Variants in ZNF385A observed in about 807,000 individuals in gnomAD.
ZNF385A encodes hematopoietic zinc finger protein.
A neutral mutation model predicts 32.1 loss-of-function variants in ZNF385A; 14 were observed. The ratio of observed to expected loss-of-function variants is 0.44; its 90% CI spans 0.29 to 0.68. The LOEUF is 0.68. Among genes scored for constraint, ZNF385A ranks in the 30% least tolerant of loss-of-function variants. The pLI is 0.14. For synonymous variants in ZNF385A, 197 were observed against 202.7 expected (o/e 0.97, Z 0.24); for missense variants, 406 against 478.4 (o/e 0.85, Z 1.41).
chr12:54,373,868 G>C, intron 3 of ZNF385A, 105 bp downstream of exon 3: 3 of 1,270,038 alleles, frequency 2.4e-6, no homozygotes, highest in Non-Finnish European at 3.1e-6. Context: ...TGGGGGTATA[G>C]GGACTGAGGA....
upstream of ZNF385A, among the ~76,000 whole-genome samples, chr12:54,388,339 T>A (rs533106936): frequency 6.6e-6 from 1 of 152,344 alleles, no homozygotes; most frequent in African/African-American, 2.4e-5. Flanking sequence ...CAAGTTGTGC[T>A]GTCAGCACTA....
intron 1 of ZNF385A, among the ~76,000 whole-genome samples, chr12:54,381,607 G>A (rs554094860): frequency 1.3e-5 from 2 of 152,302 alleles, no homozygotes; most frequent in South Asian, 4.2e-4. Flanking sequence ...TGTTTAGATG[G>A]GGGGAGGTTT....
chr12:54,371,387 G>A (rs1565612048), intron 4 of ZNF385A, 86 bp downstream of exon 4: 12 of 1,527,936 alleles, frequency 7.9e-6, no homozygotes, highest in Middle Eastern at 1.8e-4. Context: ...ATGGTCTAGG[G>A]ATGTTGGAAG....
chr12:54,384,366 G>C, intron 1 of ZNF385A, 62 bp downstream of exon 1: 1 of 1,500,862 alleles, frequency 6.7e-7, no homozygotes. Context: ...GGGCAGAGGT[G>C]GGTCTGAGAG....
chr12:54,372,406 C>T (rs998714963), intron 3 of ZNF385A, among the ~76,000 whole-genome samples: 1 of 152,106 alleles, frequency 6.6e-6, no homozygotes, highest in Non-Finnish European at 1.5e-5. Context: ...GAGGGGAACT[C>T]CTCACCCCTC....
chr12:54,384,148 G>T (rs1955343375), intron 1 of ZNF385A, among the ~76,000 whole-genome samples: 1 of 152,188 alleles, frequency 6.6e-6, no homozygotes, highest in African/African-American at 2.4e-5. Flanking sequence ...TACTTCTCTA[G>T]ATGGTAGGGC....
At chr12:54,376,836 T>C (rs547679296) in intron 1 of ZNF385A, among the ~76,000 whole-genome samples, 1 of 152,290 alleles carries the variant, frequency 6.6e-6, no homozygotes, top group South Asian at 2.1e-4. Flanking sequence ...CTCAGAGGTG[T>C]GAAAACTGCC....
chr12:54,383,642 C>G (rs926462909), intron 1 of ZNF385A, among the ~76,000 whole-genome samples: 1 of 152,244 alleles, frequency 6.6e-6, no homozygotes, highest in Non-Finnish European at 1.5e-5. Flanking sequence ...TGCCTGTAAT[C>G]CCAGCACTTT....
chr12:54,382,365 C>T (rs571440979), intron 1 of ZNF385A, among the ~76,000 whole-genome samples: 11 of 152,178 alleles, frequency 7.2e-5, no homozygotes, highest in South Asian at 6.2e-4. Context: ...TGAGCCACCA[C>T]GCCTGGCCCA....
In ZNF385A at chr12:54,370,419, G is replaced by T; in HGVS notation, c.938C>A (p.Ala313Glu). ...TGCCGCTGCCATCACTGCAGCCACC[G>T]CCAGGGGGCTGGGGAGCAGGCCGCC... Reference protein sequence around the residue: ...LAGGLLPSPLAVAAVMAAAAG... With the variant: ...LAGGLLPSPLEVAAVMAAAAG... Residue 313 changes from alanine to glutamate, a missense_variant, in exon 7 of 7, where the codon GCG becomes GAG. Transcript: ENST00000394313. The surrounding 1 kb of genome is among the most constrained non-coding windows in gnomAD (Gnocchi z 5.5). 6.5e-7 allele frequency: 1 copy of T among 1,546,836 alleles called. No individual in the cohort carries two copies. The highest frequency in any genetic ancestry group is 8.7e-7 in the Non-Finnish European group (1 of 1,144,432).
At chr12:54,378,162 C>T (rs928203260) in intron 1 of ZNF385A, among the ~76,000 whole-genome samples, 4 of 152,164 alleles carry the variant, frequency 2.6e-5, no homozygotes, top group Non-Finnish European at 2.9e-5. Context: ...TTCCCACCCT[C>T]CTCCAGGAAC....
upstream of ZNF385A, among the ~76,000 whole-genome samples, chr12:54,388,748 C>A (rs149105346): frequency 3.5e-4 from 54 of 152,266 alleles, no homozygotes; most frequent in African/African-American, 1.0e-3. Context: ...TCCCTTCAGG[C>A]CTTTTGGCCT....
At position 54,370,543 on chromosome 12, in the gene ZNF385A, C is replaced by CCTCT; in HGVS notation, c.871-61_871-58dup. 6.4e-7 allele frequency: 1 copy of CCTCT among 1,550,932 alleles called. No individual in the cohort carries two copies. The highest frequency in any genetic ancestry group is 8.7e-7 in the Non-Finnish European group (1 of 1,146,632). The stretch of plus-strand genomic sequence containing the variant: ...TCACCCGGCGGTCCTGCAAACCCCA[C>CCTCT]CTCTCCCTGGGCAAAGCCCGCGTCC... On this transcript the variant is annotated intron_variant, in intron 6 of 6. Transcript: ENST00000394313. This position sits in a 1 kb window ranked among gnomAD's most constrained non-coding sequence, Gnocchi z 5.5.
At chr12:54,389,198 G>A (rs897447640), upstream of ZNF385A, among the ~76,000 whole-genome samples, 4 of 152,206 alleles carry the variant, frequency 2.6e-5, no homozygotes, top group African/African-American at 9.7e-5. Context: ...TAAACCTGGG[G>A]CCCAGACTCT....
upstream of ZNF385A, chr12:54,385,800 T>A: frequency 3.9e-6 from 1 of 255,798 alleles, no homozygotes. Context: ...CCCCTCCCCC[T>A]CAGCCCAGTC....
In ZNF385A at chr12:54,384,540, A is replaced by G; in HGVS notation, c.-26T>C. 6.7e-7 allele frequency: 1 copy of G among 1,501,378 alleles called. No homozygotes were observed. Among genetic ancestry groups the G allele is most frequent in the Non-Finnish European group, 8.9e-7 (1 of 1,126,978 alleles). 93.0% of individuals were successfully genotyped at this position (1,501,378 alleles called of 1,614,324 possible). Reference sequence around the variant, plus strand: ...GATCGGGGGCTGCCGTAGCAGAGGCAGGGGCCCTGCCCGGCTCAGGCTGCC... The same window carrying G: ...GATCGGGGGCTGCCGTAGCAGAGGCGGGGGCCCTGCCCGGCTCAGGCTGCC... On this transcript the variant is annotated 5_prime_UTR_variant, in exon 1 of 7. Coordinates refer to ENST00000394313, the MANE Select transcript of ZNF385A (RefSeq NM_015481.3).
intron 1 of ZNF385A, 121 bp downstream of exon 1, chr12:54,384,307 A>G: frequency 8.3e-7 from 1 of 1,208,388 alleles, no homozygotes. Context: ...ACTAGAATTA[A>G]GGAAGATGGG....
chr12:54,384,316 G>A, intron 1 of ZNF385A, 112 bp downstream of exon 1: 2 of 1,257,920 alleles, frequency 1.6e-6, no homozygotes, highest in South Asian at 3.2e-5. Flanking sequence ...AAGGAAGATG[G>A]GGTCATAAGA....
At chr12:54,371,182 AAT>A in intron 4 of ZNF385A, 86 bp from the exon 5 acceptor site, 1 of 1,424,388 alleles carries the variant, frequency 7.0e-7, no homozygotes, top group Non-Finnish European at 9.5e-7. Context: ...TCCCAGGTAC[AAT>A]ATGAGGGGGA....
Sources: gnomAD v4.1 joint callset for allele counts (sites outside exome capture counted in the v4.1 genomes callset) on GRCh38, gnomAD v4.1.1 for gene constraint, Gnocchi (gnomAD v3.1) non-coding constraint, MANE v1.5 for transcripts, NCBI Gene and HGNC (gene_info 2026-07-23, HGNC 2026-07-21) for gene names.